AUTS2: variants seen among roughly 807,000 people sequenced by gnomAD.
The protein encoded by AUTS2 is autism susceptibility gene 2 protein.
AUTS2 carries 17 observed loss-of-function variants against 112.4 expected under a neutral mutation model. The ratio of observed to expected loss-of-function variants is 0.15; its 90% CI spans 0.10 to 0.23. The LOEUF (loss-of-function observed/expected upper bound fraction) is 0.23. Ranked by LOEUF, AUTS2 falls within the 10% of genes least tolerant of loss-of-function variation. The probability of loss-of-function intolerance (pLI) is 1.00; values close to 1 mark genes in which losing one functional copy is unlikely to be tolerated. For missense variants in AUTS2, 1,510 were observed against 1,701.6 expected, an observed-to-expected ratio of 0.89 and a Z score of 1.98; for synonymous variants, 751 against 702.7, an observed-to-expected ratio of 1.07 and a Z score of -1.09.
intron 4 of AUTS2, among the ~76,000 whole-genome samples, chr7:70,278,369 G>A (rs185924898): frequency 4.6e-5 from 7 of 152,244 alleles, no homozygotes; most frequent in African/African-American, 1.7e-4. Context: ...GCTTGATTGA[G>A]CCCAGGAGTT....
rs1789588879 is a variant in AUTS2 at position 69,791,061 on chromosome 7, A to G, written c.310-108225A>G. On this transcript the variant is annotated intron_variant, in intron 1 of 18. Coordinates refer to ENST00000342771, the MANE Select transcript of AUTS2 (RefSeq NM_015570.4). Reference sequence around the variant, plus strand: ...TTGAGCAGGGATCTTCTTGAGACTGATTATGATGGGAGAATGACCTCATAG... The same window carrying G: ...TTGAGCAGGGATCTTCTTGAGACTGGTTATGATGGGAGAATGACCTCATAG... 1.3e-5 allele frequency among the ~76,000 whole-genome samples: 2 copies of G among 152,214 alleles called. 1 individual carries two copies. Among genetic ancestry groups the G allele is most frequent in the South Asian group, 4.1e-4 (2 of 4,828 alleles).
intron 5 of AUTS2, among the ~76,000 whole-genome samples, chr7:70,627,955 T>C (rs1805035899): frequency 6.6e-6 from 1 of 152,198 alleles, no homozygotes; most frequent in South Asian, 2.1e-4. Flanking sequence ...AACCAAGCCC[T>C]GAAAGTTGCA....
chr7:69,816,824 G>A (rs1222019598), intron 1 of AUTS2, among the ~76,000 whole-genome samples: 1 of 152,114 alleles, frequency 6.6e-6, no homozygotes, highest in African/African-American at 2.4e-5. Flanking sequence ...CAAATCTACT[G>A]CTCTTCATGC....
chr7:70,646,190 A>G (rs1297511800), intron 5 of AUTS2, among the ~76,000 whole-genome samples: 2 of 152,210 alleles, frequency 1.3e-5, no homozygotes, highest in Non-Finnish European at 2.9e-5. Flanking sequence ...TTCAGAGCTC[A>G]GTGCGACTCC....
At chr7:69,885,650 T>C (rs1242405134) in intron 1 of AUTS2, among the ~76,000 whole-genome samples, 2 of 152,340 alleles carry the variant, frequency 1.3e-5, no homozygotes, top group Non-Finnish European at 2.9e-5. Flanking sequence ...TCTGGGTGTG[T>C]TGCCAGTTGC....
At chr7:70,347,827 G>C (rs1438765313) in intron 4 of AUTS2, among the ~76,000 whole-genome samples, 1 of 152,204 alleles carries the variant, frequency 6.6e-6, no homozygotes, top group Non-Finnish European at 1.5e-5. Flanking sequence ...CCCTCTGGGA[G>C]ACTTGTAGTC....
intron 4 of AUTS2, among the ~76,000 whole-genome samples, chr7:70,169,473 C>T (rs1255739902): frequency 1.3e-5 from 2 of 152,076 alleles, no homozygotes; most frequent in African/African-American, 2.4e-5. Context: ...GATCTCCCGA[C>T]CTCATGATCT....
At chr7:70,585,521 A>G (rs1362648073) in intron 5 of AUTS2, among the ~76,000 whole-genome samples, 1 of 152,170 alleles carries the variant, frequency 6.6e-6, no homozygotes, top group Non-Finnish European at 1.5e-5. Context: ...AGATGTTGCA[A>G]CGTAAGAGGC....
chr7:70,430,828 CTTTTTTTTT>C (rs745358887), intron 4 of AUTS2, among the ~76,000 whole-genome samples: 1 of 94,498 alleles, frequency 1.1e-5, no homozygotes, highest in African/African-American at 4.4e-5. Flanking sequence ...GCAGTGTCGC[CTTTTTTTTT>C]TTTTTTTTTT....
At chr7:70,714,633 C>A in intron 6 of AUTS2, among the ~76,000 whole-genome samples, 1 of 152,230 alleles carries the variant, frequency 6.6e-6, no homozygotes, top group East Asian at 1.9e-4. Context: ...GCTTCCCATT[C>A]TTTCAAGTCA....
intron 2 of AUTS2, among the ~76,000 whole-genome samples, chr7:70,057,533 T>C (rs1802049027): frequency 6.6e-6 from 1 of 152,216 alleles, no homozygotes; most frequent in Non-Finnish European, 1.5e-5. Context: ...TTACAGGTAT[T>C]CTATCTTCAT....
At chr7:70,727,322 C>G (rs959926902) in intron 6 of AUTS2, among the ~76,000 whole-genome samples, 3 of 152,130 alleles carry the variant, frequency 2.0e-5, no homozygotes, top group Non-Finnish European at 4.4e-5. Context: ...TGTTAGAGCC[C>G]CAAATGCCTG....
intron 1 of AUTS2, among the ~76,000 whole-genome samples, chr7:69,718,419 C>T (rs970891475): frequency 1.3e-5 from 2 of 152,114 alleles, no homozygotes; most frequent in Admixed American, 1.3e-4. Context: ...AATTCTATGA[C>T]CTCATCTTTT....
At chr7:70,305,743 T>G (rs1000560222) in intron 4 of AUTS2, among the ~76,000 whole-genome samples, 1 of 152,202 alleles carries the variant, frequency 6.6e-6, no homozygotes, top group African/African-American at 2.4e-5. Flanking sequence ...CTTTAAACAG[T>G]GTATGTTGAC....
intron 1 of AUTS2, among the ~76,000 whole-genome samples, chr7:69,658,818 A>G (rs1343816193): frequency 1.3e-5 from 2 of 152,238 alleles, no homozygotes; most frequent in Non-Finnish European, 2.9e-5. Context: ...AATAATAAAT[A>G]TGTGGTTTAA....
In AUTS2 at chr7:70,236,335, A is replaced by G. The variant is rs552171323; in HGVS notation, c.660+101764A>G. ...TATATCTCTAATGAGATAGTACAGTATTTGTGATTCTTCTAGTGTGATGGC... is the reference window on the plus strand; with the variant it reads ...TATATCTCTAATGAGATAGTACAGTGTTTGTGATTCTTCTAGTGTGATGGC... On this transcript the variant is annotated intron_variant, in intron 4 of 18. Transcript: ENST00000342771. Among the ~76,000 whole-genome samples the G allele has an allele frequency of 3.6e-4, 55 of 152,328 alleles. No individual in the cohort carries two copies. The South Asian group carries it at 7.3e-3, about 20-fold the overall frequency.
chr7:70,479,596 G>A (rs905755987), intron 5 of AUTS2, among the ~76,000 whole-genome samples: 5 of 151,970 alleles, frequency 3.3e-5, no homozygotes, highest in Admixed American at 1.3e-4. Context: ...CCGTTCACCA[G>A]CATGAATCGC....
chr7:70,369,824 C>T (rs1792758656), intron 4 of AUTS2, among the ~76,000 whole-genome samples: 1 of 152,170 alleles, frequency 6.6e-6, no homozygotes, highest in Non-Finnish European at 1.5e-5. Flanking sequence ...CATCTACTCC[C>T]CATACGACTT....
intron 15 of AUTS2, 200 bp from the exon 16 acceptor site, chr7:70,784,742 T>TAA (rs71077682): frequency 1.5e-4 from 41 of 280,988 alleles, no homozygotes; most frequent in Non-Finnish European, 1.8e-4. Flanking sequence ...TTCTGCTTCC[T>TAA]AAAAAAAAAA....
Sources: gnomAD v4.1 joint callset for allele counts (sites outside exome capture counted in the v4.1 genomes callset) on GRCh38, gnomAD v4.1.1 for gene constraint, MANE v1.5 for transcripts, NCBI Gene and HGNC (gene_info 2026-07-23, HGNC 2026-07-21) for gene names.